RASGEF1C: variants seen among roughly 807,000 people sequenced by gnomAD.
The protein encoded by RASGEF1C is RasGEF domain family member 1C, also known as ras-GEF domain-containing family member 1C.
A neutral mutation model predicts 58.1 loss-of-function variants in RASGEF1C; 27 were observed. The observed-to-expected ratio is 0.46, with a 90% confidence interval of 0.34 to 0.64. The LOEUF (loss-of-function observed/expected upper bound fraction) is 0.64, where lower values mean the gene tolerates loss of function less well. Among genes scored for constraint, RASGEF1C ranks in the 30% least tolerant of loss-of-function variants. The probability of loss-of-function intolerance (pLI) is 0.01; values close to 1 mark genes in which losing one functional copy is unlikely to be tolerated. For missense variants in RASGEF1C, 502 were observed against 605.1 expected (o/e 0.83, Z 1.79); for synonymous variants, 243 against 246.3 (o/e 0.99, Z 0.13).
chr5:180,177,188 C>G lies in RASGEF1C; in HGVS notation c.-7+31840G>C, dbSNP rs747994717. ...GATGGGGGGCTGGCTGGGCTACTTC[C>G]AGAAACGTCCAGCCGAGTAGAGGAT... On this transcript the variant is annotated intron_variant, in intron 1 of 13. Coordinates refer to ENST00000361132, the MANE Select transcript of RASGEF1C (RefSeq NM_175062.4). The surrounding 1 kb of genome is among the most constrained non-coding windows in gnomAD (Gnocchi z 5.0). Among the ~76,000 whole-genome samples the G allele has an allele frequency of 5.3e-5, 8 of 152,158 alleles. No individual in the cohort carries two copies. The highest frequency in any genetic ancestry group is 7.4e-5 in the Non-Finnish European group (5 of 68,014).
rs897012440 is a variant in RASGEF1C at position 180,177,147 on chromosome 5, G to C, written c.-7+31881C>G. On this transcript the variant is annotated intron_variant, in intron 1 of 13. Transcript: ENST00000361132. This position sits in a 1 kb window ranked among gnomAD's most constrained non-coding sequence, Gnocchi z 5.0. Reference sequence around the variant, plus strand: ...ACTCTCAGAGCCTGACGGAGGGGCTGGATGAGGGGCAGTGGGATGGGGGGC... The same window carrying C: ...ACTCTCAGAGCCTGACGGAGGGGCTCGATGAGGGGCAGTGGGATGGGGGGC... Among the ~76,000 whole-genome samples, 1 of 152,190 alleles carries C rather than the reference G, an allele frequency of 6.6e-6. No individual in the cohort carries two copies. The highest frequency in any genetic ancestry group is 1.5e-5 in the Non-Finnish European group (1 of 68,010).
At chr5:180,182,572 T>C (rs1380662731) in intron 1 of RASGEF1C, among the ~76,000 whole-genome samples, 1 of 152,162 alleles carries the variant, frequency 6.6e-6, no homozygotes, top group Non-Finnish European at 1.5e-5. Flanking sequence ...GTCCATTTTA[T>C]AGTGTTGATT....
At chr5:180,126,413 G>A (rs1766263363) in intron 6 of RASGEF1C, among the ~76,000 whole-genome samples, 1 of 151,646 alleles carries the variant, frequency 6.6e-6, no homozygotes, top group South Asian at 2.1e-4. Context: ...CTCAAAAAAA[G>A]AAAAAAAATC....
At chr5:180,206,982 T>C (rs999652356) in intron 1 of RASGEF1C, among the ~76,000 whole-genome samples, 17 of 152,254 alleles carry the variant, frequency 1.1e-4, no homozygotes, top group African/African-American at 3.9e-4. Flanking sequence ...CCTTTAAGGA[T>C]AGCTTTTTAA....
intron 1 of RASGEF1C, among the ~76,000 whole-genome samples, chr5:180,188,155 G>C (rs1756074079): frequency 1.3e-5 from 2 of 152,130 alleles, no homozygotes; most frequent in Admixed American, 1.3e-4. Context: ...CCATAAAAAG[G>C]AATCAAGTAC....
chr5:180,153,679 G>A (rs1022792064), intron 1 of RASGEF1C, among the ~76,000 whole-genome samples: 6 of 152,068 alleles, frequency 3.9e-5, no homozygotes, highest in South Asian at 2.1e-4. Context: ...CATCTTATTC[G>A]TTCTAATAGC....
intron 1 of RASGEF1C, among the ~76,000 whole-genome samples, chr5:180,173,787 C>T (rs898050172): frequency 1.3e-5 from 2 of 152,060 alleles, no homozygotes; most frequent in African/African-American, 4.8e-5. Context: ...GTGGTGGGCG[C>T]CTGTAATCCC....
chr5:180,146,704 G>A (rs1217601507), intron 1 of RASGEF1C, among the ~76,000 whole-genome samples: 2 of 152,140 alleles, frequency 1.3e-5, no homozygotes, highest in African/African-American at 2.4e-5. Context: ...TTAATATGCT[G>A]CTGAACTTGG....
chr5:180,125,962 G>A (rs1683904946), intron 6 of RASGEF1C, among the ~76,000 whole-genome samples: 2 of 152,164 alleles, frequency 1.3e-5, no homozygotes, highest in Non-Finnish European at 2.9e-5. Flanking sequence ...GTGTAAGAAT[G>A]TCCACTGTGG....
intron 4 of RASGEF1C, among the ~76,000 whole-genome samples, chr5:180,132,774 G>T (rs1397060123): frequency 6.6e-6 from 1 of 152,110 alleles, no homozygotes; most frequent in Non-Finnish European, 1.5e-5. Context: ...TTCGAGACAA[G>T]CCTGGCCAAC....
intron 1 of RASGEF1C, among the ~76,000 whole-genome samples, chr5:180,194,989 C>A (rs1016298672): frequency 1.3e-5 from 2 of 152,206 alleles, no homozygotes; most frequent in Admixed American, 1.3e-4. Context: ...AGGCCCAGCG[C>A]CCTCCTGTAC....
Position 180,136,513 on chromosome 5 carries a change from G to C in RASGEF1C, c.303C>G (p.Ala101=), listed in dbSNP as rs1766477862. ...GTTTGGGGCCGAACTTCCGGACCCG[G>C]GCCTACGGGCAAGCGAGGGGCACCG... ...QQLDKPVLDK[A]RVRKFGPKLL... The change falls in exon 4 of 14, where the codon GCC becomes GCG. Residue 101 remains alanine, a splice_region_variant and synonymous_variant. Transcript: ENST00000361132. 1 of 1,570,682 alleles carries C rather than the reference G, an allele frequency of 6.4e-7. No individual in the cohort carries two copies. The highest frequency in any genetic ancestry group is 8.6e-7 in the Non-Finnish European group (1 of 1,157,374).
intron 6 of RASGEF1C, among the ~76,000 whole-genome samples, chr5:180,124,573 C>T (rs1175512757): frequency 6.6e-6 from 1 of 152,082 alleles, no homozygotes; most frequent in Admixed American, 6.6e-5. Context: ...GCCTGTAATC[C>T]CAGCACTTTG....
chr5:180,155,323 T>C lies in RASGEF1C; in HGVS notation c.-6-17265A>G, dbSNP rs1000798402. On this transcript the variant is annotated intron_variant, in intron 1 of 13. Transcript: ENST00000361132. The surrounding 1 kb of genome is among the most constrained non-coding windows in gnomAD (Gnocchi z 5.2). ...GCCTGGACACACATTTCATTTCCAT[T>C]TGGGTCCCATGAAGGACTCCTGCCT... Among the ~76,000 whole-genome samples, 1 of 152,096 alleles carries C rather than the reference T, an allele frequency of 6.6e-6. No individual in the cohort carries two copies. The highest frequency in any genetic ancestry group is 2.1e-4 in the South Asian group (1 of 4,824).
At chr5:180,103,212 G>C (rs1282766769) in intron 12 of RASGEF1C, among the ~76,000 whole-genome samples, 1 of 152,094 alleles carries the variant, frequency 6.6e-6, no homozygotes, top group African/African-American at 2.4e-5. Context: ...CGAGTGGCTG[G>C]GACTACAGGT....
intron 7 of RASGEF1C, among the ~76,000 whole-genome samples, chr5:180,120,524 G>C (rs73811000): frequency 2.3e-3 from 349 of 152,260 alleles, no homozygotes; most frequent in African/African-American, 7.8e-3. Context: ...TGGGTTCAGA[G>C]GAGGGTCCCT....
Position 180,111,538 on chromosome 5 carries a change from A to G in RASGEF1C, c.1222T>C (p.Trp408Arg). The stretch of plus-strand genomic sequence containing the variant: ...TCGAAGGGACACTCCACTTGTTTCC[A>G]GGTGATGAACTCCCCCACCTGCTTG... The part of the protein sequence containing the change: ...LAKQVGEFIT[W>R]KQVECPFEQD... The change falls in exon 12 of 14, where the codon TGG (tryptophan) becomes CGG (arginine). Residue 408 changes from tryptophan (W) to arginine (R), a missense_variant. Coordinates refer to ENST00000361132, the MANE Select transcript of RASGEF1C (RefSeq NM_175062.4). The G allele has an allele frequency of 1.2e-6, 2 of 1,614,134 alleles. No individual in the cohort carries two copies. The highest frequency in any genetic ancestry group is 1.3e-5 in the African/African-American group (1 of 75,028).
chr5:180,173,785 C>T lies in RASGEF1C; in HGVS notation c.-7+35243G>A, dbSNP rs376085201. ...GAAATTAGCTGGGCGTGGTGGTGGGCGCCTGTAATCCCAGCTGCTAGGGAG... is the reference window on the plus strand; with the variant it reads ...GAAATTAGCTGGGCGTGGTGGTGGGTGCCTGTAATCCCAGCTGCTAGGGAG... On this transcript the variant is annotated intron_variant, in intron 1 of 13. Transcript: ENST00000361132. Among the ~76,000 whole-genome samples, 134 of 152,056 alleles carry T rather than the reference C, an allele frequency of 8.8e-4. No individual in the cohort carries two copies. In the South Asian group the frequency reaches 0.017, roughly 19 times the overall value.
chr5:180,188,264 A>G (rs1756076118), intron 1 of RASGEF1C, among the ~76,000 whole-genome samples: 1 of 152,230 alleles, frequency 6.6e-6, no homozygotes, highest in Non-Finnish European at 1.5e-5. Context: ...ATTTATATGA[A>G]ATATCCAGAA....
Sources: allele counts gnomAD v4.1 joint callset (sites outside exome capture counted in the v4.1 genomes callset), GRCh38; gene constraint gnomAD v4.1.1; non-coding constraint Gnocchi (gnomAD v3.1); transcripts MANE v1.5; gene names NCBI Gene and HGNC (gene_info 2026-07-23, HGNC 2026-07-21).